Variants in EZR observed in about 807,000 individuals in gnomAD.
The protein encoded by EZR is ezrin.
Under a neutral mutation model 74.8 loss-of-function variants are expected in EZR, and 40 were observed. The observed-to-expected ratio is 0.53, with a 90% confidence interval of 0.42 to 0.70. The LOEUF (loss-of-function observed/expected upper bound fraction) is 0.70. EZR is among the 30% of genes least tolerant of loss of function. The pLI, the probability that EZR is intolerant of heterozygous loss-of-function variation, is 0.00. For synonymous variants in EZR, 341 were observed against 283.3 expected (o/e 1.20, Z -2.05); for missense variants, 678 against 755.8 (o/e 0.90, Z 1.21).
chr6:158,783,620 T>C lies in EZR; in HGVS notation c.598A>G (p.Met200Val). Residue 200 changes from methionine to valine, a missense_variant, in exon 7 of 14, where the codon ATG (methionine) becomes GTG (valine). By Grantham distance (21) the Met-to-Val change is conservative (BLOSUM62 1). This residue lies in a region of EZR where 119 missense variants were observed against 182.3 expected (regional missense o/e 0.65). Coordinates refer to ENST00000367075, the MANE Select transcript of EZR (RefSeq NM_001111077.2). ...ATCTCGAAATAGTTGATTCCATACA[T>C]TTCCAGGTCCTGAGCAATCTTCAGG... The part of the protein sequence containing the change: ...EYLKIAQDLE[M>V]YGINYFEIKN... The C allele has an allele frequency of 1.9e-6, 3 of 1,614,014 alleles. No individual in the cohort carries two copies. The highest frequency in any genetic ancestry group is 1.1e-5 in the South Asian group (1 of 91,074).
intron 2 of EZR, among the ~76,000 whole-genome samples, chr6:158,804,755 C>CT (rs67712417): frequency 6.6e-6 from 1 of 151,128 alleles, no homozygotes; most frequent in African/African-American, 2.4e-5. Context: ...TTTTTCCTTT[C>CT]TTTTTTTCTT....
intron 9 of EZR, 135 bp from the exon 10 acceptor site, chr6:158,771,029 G>T: frequency 7.0e-7 from 1 of 1,420,224 alleles, no homozygotes; most frequent in Non-Finnish European, 9.6e-7. Flanking sequence ...CTGCCAGCCT[G>T]AGCTGCCTGA....
At chr6:158,769,993 T>C (rs1791049702) in intron 10 of EZR, 49 bp from the exon 11 acceptor site, 1 of 1,592,116 alleles carries the variant, frequency 6.3e-7, no homozygotes, top group Non-Finnish European at 8.5e-7. Flanking sequence ...CCCAGGGACC[T>C]AGGAGCCCTC....
chr6:158,799,692 T>C (rs944091028), intron 2 of EZR, among the ~76,000 whole-genome samples: 12 of 152,270 alleles, frequency 7.9e-5, no homozygotes, highest in African/African-American at 2.7e-4. Context: ...TGTAAAACAT[T>C]ACCATTGACT....
At chr6:158,778,842 T>C (rs910709071) in intron 7 of EZR, among the ~76,000 whole-genome samples, 3 of 152,112 alleles carry the variant, frequency 2.0e-5, no homozygotes, top group Admixed American at 2.0e-4. Context: ...CCGAAACACA[T>C]ATCCATGAGT....
At chr6:158,793,426 A>G (rs1226803221) in intron 2 of EZR, among the ~76,000 whole-genome samples, 1 of 152,116 alleles carries the variant, frequency 6.6e-6, no homozygotes. Flanking sequence ...ATTCATACAT[A>G]GGGCAGGCTC....
intron 2 of EZR, among the ~76,000 whole-genome samples, chr6:158,802,787 C>T (rs1777216056): frequency 6.6e-6 from 1 of 152,210 alleles, no homozygotes; most frequent in Non-Finnish European, 1.5e-5. Context: ...GCCTTGGCCT[C>T]CCAAAGTGCT....
chr6:158,775,051 T>G (rs1165819166), intron 8 of EZR, among the ~76,000 whole-genome samples: 3 of 150,580 alleles, frequency 2.0e-5, no homozygotes, highest in Admixed American at 2.0e-4. Context: ...TTTTTTTTTT[T>G]TGAGACGGAG....
At chr6:158,771,543 A>G (rs3127181) in intron 8 of EZR, 136 bp from the exon 9 acceptor site, 674,187 of 890,114 alleles carry the variant, frequency 0.76, 265,870 homozygotes, top group African/African-American at 0.91. Context: ...TCTCGGCACT[A>G]GGAATGTGCA....
chr6:158,795,627 ACTGT>A (rs943333164), intron 2 of EZR, among the ~76,000 whole-genome samples: 1 of 152,196 alleles, frequency 6.6e-6, no homozygotes, highest in African/African-American at 2.4e-5. Flanking sequence ...CTCGATGGGC[ACTGT>A]GAGTACAGAG....
At chr6:158,817,950 T>C (rs1163676762) in intron 2 of EZR, 132 bp downstream of exon 2, 2 of 801,622 alleles carry the variant, frequency 2.5e-6, no homozygotes, top group Non-Finnish European at 3.8e-6. Flanking sequence ...GAAAACCTCC[T>C]CCTATTCCTA....
intron 2 of EZR, among the ~76,000 whole-genome samples, chr6:158,814,820 C>T (rs1340855142): frequency 6.6e-6 from 1 of 152,148 alleles, no homozygotes. Flanking sequence ...GGATTACTGC[C>T]ATGAGCCACT....
chr6:158,800,429 A>G (rs1210385848), intron 2 of EZR, among the ~76,000 whole-genome samples: 1 of 152,190 alleles, frequency 6.6e-6, no homozygotes, highest in African/African-American at 2.4e-5. Flanking sequence ...CTGTTCTGAT[A>G]AGCGTTCTCT....
At chr6:158,808,736 G>A (rs925754426) in intron 2 of EZR, among the ~76,000 whole-genome samples, 2 of 152,176 alleles carry the variant, frequency 1.3e-5, no homozygotes, top group Admixed American at 6.5e-5. Context: ...TAGGAGGCAG[G>A]TATGTTTACC....
chr6:158,778,458 A>G (rs1199672899), intron 7 of EZR, among the ~76,000 whole-genome samples: 1 of 152,274 alleles, frequency 6.6e-6, no homozygotes, highest in Non-Finnish European at 1.5e-5. Flanking sequence ...CTTTTGAGTT[A>G]AAGAACTTTT....
chr6:158,803,120 T>C (rs1319561338), intron 2 of EZR, among the ~76,000 whole-genome samples: 1 of 152,088 alleles, frequency 6.6e-6, no homozygotes, highest in Non-Finnish European at 1.5e-5. Context: ...ATGTCAAGGC[T>C]AAATTCTTAA....
intron 7 of EZR, among the ~76,000 whole-genome samples, chr6:158,776,865 A>T (rs1791293711): frequency 6.6e-6 from 1 of 151,282 alleles, no homozygotes; most frequent in Non-Finnish European, 1.5e-5. Context: ...ACATCACCAC[A>T]CTCACCTACC....
chr6:158,818,080 A>C lies in EZR; in HGVS notation c.12+2T>G, dbSNP rs1777600488. 6.2e-7 allele frequency: 1 copy of C among 1,608,864 alleles called. No homozygotes were observed. Among genetic ancestry groups the C allele is most frequent in the Admixed American group, 1.7e-5 (1 of 59,854 alleles). ...GCCCGGCCCAGAAACTGGGCAACTT[A>C]CTGGTTTCGGCATTTTCGGTTTCTG... On this transcript the variant is annotated splice_donor_variant, in intron 2 of 13. Transcript: ENST00000367075. LOFTEE classifies it high-confidence loss of function.
chr6:158,777,081 CCT>C (rs1791300197), intron 7 of EZR, among the ~76,000 whole-genome samples: 1 of 152,224 alleles, frequency 6.6e-6, no homozygotes, highest in Non-Finnish European at 1.5e-5. Context: ...TCCCTTGAGG[CCT>C]CTCTTAACAT....
Sources: allele counts gnomAD v4.1 joint callset (sites outside exome capture counted in the v4.1 genomes callset), GRCh38; gene constraint gnomAD v4.1.1; regional missense constraint gnomAD v4.1.1; transcripts MANE v1.5; gene names NCBI Gene and HGNC (gene_info 2026-07-23, HGNC 2026-07-21).